CHLSN: variants seen among roughly 807,000 people sequenced by gnomAD.
CHLSN encodes the protein cholesin, also known as protein cholesin.
chr7:1,100,980 C>A, the CHLSN span, among the ~76,000 whole-genome samples: 2 of 152,180 alleles, frequency 1.3e-5, no homozygotes, highest in Non-Finnish European at 2.9e-5. Context: ...AAAGGCCCTT[C>A]CACCGCAGGC....
chr7:1,005,032 T>C, the CHLSN span, among the ~76,000 whole-genome samples: 6 of 152,174 alleles, frequency 3.9e-5, no homozygotes, highest in Non-Finnish European at 8.8e-5. Flanking sequence ...CAGTGGCTCA[T>C]GCCTGTAAGC....
the CHLSN span, chr7:984,998 C>T: frequency 2.6e-5 from 42 of 1,610,632 alleles, no homozygotes; most frequent in Admixed American, 1.0e-4. Flanking sequence ...CGCCAGTTCA[C>T]GGTGCGTGCC....
the CHLSN span, among the ~76,000 whole-genome samples, chr7:1,049,789 C>T: frequency 1.3e-5 from 2 of 152,198 alleles, no homozygotes; most frequent in South Asian, 2.1e-4. Flanking sequence ...AGTTTTAGGA[C>T]TGTTTTCGGT....
chr7:1,091,229 G>A, the CHLSN span, among the ~76,000 whole-genome samples: 1 of 152,168 alleles, frequency 6.6e-6, no homozygotes, highest in East Asian at 1.9e-4. Flanking sequence ...TCCCACAGGC[G>A]ACTCTTCCAC....
the CHLSN span, among the ~76,000 whole-genome samples, chr7:980,684 CTTTTTTT>C: frequency 3.1e-5 from 3 of 97,044 alleles, no homozygotes; most frequent in South Asian, 3.7e-4. Context: ...GTAACAGTTA[CTTTTTTT>C]TTTTTTTTTT....
chr7:1,127,511 T>A, the CHLSN span: 1 of 963,236 alleles, frequency 1.0e-6, no homozygotes, highest in Non-Finnish European at 1.5e-6. Context: ...ATGGAAAACA[T>A]ATAAAAGTTA....
At chr7:1,051,023 G>A in the CHLSN span, among the ~76,000 whole-genome samples, 11 of 152,252 alleles carry the variant, frequency 7.2e-5, no homozygotes, top group Non-Finnish European at 1.0e-4. Flanking sequence ...GGCCTGGGTG[G>A]GAGTGCGCAG....
At chr7:1,028,190 G>A in the CHLSN span, 23 of 978,580 alleles carry the variant, frequency 2.4e-5, no homozygotes, top group Non-Finnish European at 2.8e-5. Context: ...CGCGGGGCGG[G>A]GCTGGGGCAG....
the CHLSN span, among the ~76,000 whole-genome samples, chr7:987,846 TG>T: frequency 0.025 from 3,751 of 147,838 alleles, 162 homozygotes; most frequent in African/African-American, 0.089. Context: ...CTCTGTATCC[TG>T]GGGGGGTCCC....
At chr7:1,079,790 G>A in the CHLSN span, among the ~76,000 whole-genome samples, 2 of 152,222 alleles carry the variant, frequency 1.3e-5, no homozygotes, top group Non-Finnish European at 2.9e-5. Context: ...TGGAGTCCCC[G>A]GCCTCCCAGC....
the CHLSN span, among the ~76,000 whole-genome samples, chr7:1,135,790 TATAC>T: frequency 0.18 from 16,302 of 90,690 alleles, 1,083 homozygotes; most frequent in Middle Eastern, 0.31. Context: ...TATATATATA[TATAC>T]ACAATTTATT....
the CHLSN span, chr7:1,059,040 GA>G: frequency 4.7e-4 from 82 of 175,714 alleles, 1 homozygote; most frequent in African/African-American, 1.9e-3. Context: ...AGGGTTCTGA[GA>G]ACATTTCACA....
the CHLSN span, among the ~76,000 whole-genome samples, chr7:1,033,965 G>A: frequency 6.6e-6 from 1 of 152,242 alleles, no homozygotes; most frequent in Admixed American, 6.5e-5. Context: ...GCTGGCCGGG[G>A]GCCACAGGCA....
At chr7:1,107,330 G>A in the CHLSN span, among the ~76,000 whole-genome samples, 1 of 151,856 alleles carries the variant, frequency 6.6e-6, no homozygotes, top group African/African-American at 2.4e-5. Context: ...CAACAAATAC[G>A]GTCCCATCTG....
the CHLSN span, chr7:1,138,009 GCACCGGCC>G: frequency 6.7e-6 from 1 of 150,164 alleles, no homozygotes; most frequent in Non-Finnish European, 1.5e-5. Context: ...CGCACCGGCC[GCACCGGCC>G]GCACCAGCCT....
chr7:1,119,701 AC>A, the CHLSN span, among the ~76,000 whole-genome samples: 2 of 152,286 alleles, frequency 1.3e-5, no homozygotes, highest in South Asian at 2.1e-4. Context: ...ACAAGGCGAA[AC>A]CCTGTCTCTA....
chr7:984,669 G>C, the CHLSN span: 3 of 1,474,834 alleles, frequency 2.0e-6, no homozygotes, highest in South Asian at 1.3e-5. Flanking sequence ...AGGCTCCCAG[G>C]GTGGCCTGGG....
chr7:986,708 C>A, the CHLSN span: 1 of 1,612,282 alleles, frequency 6.2e-7, no homozygotes, highest in Non-Finnish European at 8.5e-7. Flanking sequence ...CCGTGCCATT[C>A]TGAGGACCCT....
the CHLSN span, among the ~76,000 whole-genome samples, chr7:1,055,637 A>C: frequency 6.6e-6 from 1 of 152,106 alleles, no homozygotes; most frequent in African/African-American, 2.4e-5. Flanking sequence ...ATCTCTAAGT[A>C]GGGAATGAAG....
Sources: gnomAD v4.1 joint callset for allele counts (sites outside exome capture counted in the v4.1 genomes callset) on GRCh38, gnomAD v4.1.1 for gene constraint, MANE v1.5 for transcripts, NCBI Gene and HGNC (gene_info 2026-07-23, HGNC 2026-07-21) for gene names.